BRCC3: variants seen among roughly 807,000 people sequenced by gnomAD.
The protein encoded by BRCC3 is lys-63-specific deubiquitinase BRCC36.
A neutral mutation model predicts 28.0 loss-of-function variants in BRCC3; 15 were observed. The observed-to-expected ratio is 0.54, with a 90% CI of 0.36 to 0.82. The LOEUF (loss-of-function observed/expected upper bound fraction) is 0.82, where lower values mean the gene tolerates loss of function less well. Among genes scored for constraint, BRCC3 ranks in the 40% least tolerant of loss-of-function variants. The pLI, the probability that BRCC3 is intolerant of heterozygous loss-of-function variation, is 0.01. For missense variants in BRCC3, 109 were observed against 225.9 expected (o/e 0.48, Z 3.32); for synonymous variants, 66 against 80.3 (o/e 0.82, Z 0.95).
chrX:155,079,797 A>G (rs1281352683), intron 5 of BRCC3, among the ~76,000 whole-genome samples: 2 of 111,000 alleles, frequency 1.8e-5, no homozygotes, highest in African/African-American at 6.6e-5. Flanking sequence ...TCTTATACAT[A>G]TATGTATATA....
intron 8 of BRCC3, 130 bp downstream of exon 8, chrX:155,116,318 C>A: frequency 3.5e-6 from 2 of 564,894 alleles, no homozygotes; most frequent in African/African-American, 2.3e-5. Context: ...AGCTTTCTAG[C>A]AGTCTCCAAT....
At chrX:155,076,100 C>G (rs1569560439) in intron 3 of BRCC3, among the ~76,000 whole-genome samples, 1 of 112,350 alleles carries the variant, frequency 8.9e-6, no homozygotes, top group African/African-American at 3.2e-5. Context: ...CTGTATTAGT[C>G]TGTTATCACA....
At chrX:155,116,664 C>G (rs2074358270) in intron 8 of BRCC3, 47 bp from the exon 9 acceptor site, 1 of 1,003,557 alleles carries the variant, frequency 1.0e-6, no homozygotes, top group Admixed American at 2.6e-5. Context: ...ATTTTGCTTT[C>G]CCTTCAGTGC....
At chrX:155,103,549 T>C (rs2074259528) in intron 7 of BRCC3, among the ~76,000 whole-genome samples, 2 of 112,603 alleles carry the variant, frequency 1.8e-5, no homozygotes, top group African/African-American at 6.4e-5. Flanking sequence ...CTACTTAATG[T>C]GTCCTTTTTT....
At chrX:155,097,499 C>T (rs1190571955) in intron 7 of BRCC3, among the ~76,000 whole-genome samples, 1 of 111,291 alleles carries the variant, frequency 9.0e-6, no homozygotes, top group Non-Finnish European at 1.9e-5. Context: ...AGTATAGAGA[C>T]TCCTCAAAAA....
chrX:155,074,506 C>G (rs1557293110), intron 3 of BRCC3, among the ~76,000 whole-genome samples: 1 of 111,468 alleles, frequency 9.0e-6, no homozygotes, highest in East Asian at 2.8e-4. Context: ...CCTGTTTCCC[C>G]CTTCCCACAA....
At chrX:155,106,655 T>C (rs782444272) in intron 7 of BRCC3, among the ~76,000 whole-genome samples, 14 of 112,577 alleles carry the variant, frequency 1.2e-4, no homozygotes, top group Non-Finnish European at 2.6e-4. Flanking sequence ...ACTGTCTTTA[T>C]CAGGTTTAGG....
intron 5 of BRCC3, 52 bp downstream of exon 5, chrX:155,078,755 T>A (rs1557293904): frequency 2.1e-6 from 2 of 934,486 alleles, no homozygotes; most frequent in South Asian, 4.6e-5. Flanking sequence ...TAATATCATG[T>A]TTCCTTTTCC....
intron 7 of BRCC3, among the ~76,000 whole-genome samples, chrX:155,104,086 T>G (rs1320646331): frequency 8.9e-6 from 1 of 111,817 alleles, no homozygotes; most frequent in East Asian, 2.8e-4. Context: ...ATCTTCTAGC[T>G]TCTTGAACAT....
chrX:155,110,792 A>G (rs1423820834), intron 7 of BRCC3, among the ~76,000 whole-genome samples: 1 of 110,846 alleles, frequency 9.0e-6, no homozygotes, highest in East Asian at 2.8e-4. Context: ...TGCTGCCCCT[A>G]TATCTCACTG....
In BRCC3 at chrX:155,089,365, ATG is replaced by A. The variant is rs371817972; in HGVS notation, c.492+38_492+39del. 38,336 of 787,917 alleles carry A rather than the reference ATG, an allele frequency of 0.049. 1 individual carries two copies. Among genetic ancestry groups the A allele is most frequent in the East Asian group, 0.073 (1,456 of 19,851 alleles). 64.9% of individuals were successfully genotyped at this position (787,917 alleles called of 1,213,427 possible). A position where few individuals can be genotyped will look rare whatever the true frequency, so the allele number is the denominator to read the frequency against. ...AAGAACACAAAGGTATTGTGTGTGC[ATG>A]TGTGTGTGTGTGTGTGTGTGTGTAG... On this transcript the variant is annotated intron_variant, in intron 6 of 10. Transcript: ENST00000330045.
chrX:155,072,710 C>A (rs782364844), intron 2 of BRCC3, among the ~76,000 whole-genome samples: 3 of 110,223 alleles, frequency 2.7e-5, no homozygotes, highest in Non-Finnish European at 5.7e-5. Context: ...TACAGGTGCC[C>A]GCCACCACAC....
intron 7 of BRCC3, among the ~76,000 whole-genome samples, chrX:155,107,396 T>C (rs2074291803): frequency 9.1e-6 from 1 of 110,491 alleles, no homozygotes; most frequent in Non-Finnish European, 1.9e-5. Context: ...ATGGTGTAGC[T>C]ATTCTAAAAT....
chrX:155,099,442 G>A, intron 7 of BRCC3: 2 of 1,179,821 alleles, frequency 1.7e-6, no homozygotes, highest in Non-Finnish European at 2.3e-6. Flanking sequence ...TCCAATAAGT[G>A]ACCTTCCCAG....
intron 2 of BRCC3, among the ~76,000 whole-genome samples, chrX:155,072,687 G>A (rs1431929188): frequency 1.8e-5 from 2 of 110,599 alleles, no homozygotes; most frequent in Non-Finnish European, 3.8e-5. Flanking sequence ...TCAGACTCCC[G>A]AATAGCTGAG....
rs1458054920 is a variant in BRCC3 at position 155,123,003 on chromosome X, C to T, written c.*1799C>T. Reference sequence around the variant, plus strand: ...TTTACCTGTGCTGAAGTTGTATGGACCTACATACACACAAATGAATGCATG... The same window carrying T: ...TTTACCTGTGCTGAAGTTGTATGGATCTACATACACACAAATGAATGCATG... On this transcript the variant is annotated 3_prime_UTR_variant, in exon 11 of 11. Coordinates refer to ENST00000330045, the MANE Select transcript of BRCC3 (RefSeq NM_001018055.3). 9.0e-6 allele frequency: 1 copy of T among 111,114 alleles called. No homozygotes were observed. Among genetic ancestry groups the T allele is most frequent in the Non-Finnish European group, 1.9e-5 (1 of 52,995 alleles). The allele number at this position is 111,114 out of a possible 1,213,427, so 9.2% of individuals were successfully genotyped here.
chrX:155,116,194 G>A lies in BRCC3; in HGVS notation c.680+6G>A. 2.5e-6 allele frequency: 3 copies of A among 1,176,598 alleles called. No homozygotes were observed. Among genetic ancestry groups the A allele is most frequent in the Non-Finnish European group, 3.4e-6 (3 of 876,951 alleles). On this transcript the variant is annotated splice_donor_region_variant and intron_variant, in intron 8 of 10. Transcript: ENST00000330045. ...GCGTATAGGAGGATCCACAGGTAGA[G>A]ACCCTCTTCACTCCTCTTCTCTACT...
At chrX:155,072,836 G>A (rs992067340) in intron 2 of BRCC3, among the ~76,000 whole-genome samples, 4 of 110,664 alleles carry the variant, frequency 3.6e-5, no homozygotes, top group Non-Finnish European at 7.6e-5. Context: ...GGAATTTCAG[G>A]CGTGAGCCAC....
At chrX:155,072,245 C>G in intron 1 of BRCC3, 82 bp from the exon 2 acceptor site, 1 of 813,631 alleles carries the variant, frequency 1.2e-6, no homozygotes, top group Non-Finnish European at 1.8e-6. Context: ...AACACATGAC[C>G]TAATTGTCAT....
Sources: allele counts gnomAD v4.1 joint callset (sites outside exome capture counted in the v4.1 genomes callset), GRCh38; gene constraint gnomAD v4.1.1; transcripts MANE v1.5; gene names NCBI Gene and HGNC (gene_info 2026-07-23, HGNC 2026-07-21).